The following GRM8 variants were observed in gnomAD, a reference collection of about 807,000 sequenced individuals.
GRM8 encodes glutamate metabotropic receptor 8.
A neutral mutation model predicts 87.2 loss-of-function variants in GRM8; 47 were observed. The observed-to-expected ratio is 0.54, with a 90% CI of 0.43 to 0.69. The LOEUF is 0.69. GRM8 is among the 30% of genes least tolerant of loss of function. GRM8 has a pLI of 0.00. For missense variants in GRM8, 1,019 were observed against 1,139.2 expected (o/e 0.89, Z 1.52); for synonymous variants, 396 against 404.5 (o/e 0.98, Z 0.25).
At chr7:126,855,558 C>T (rs2130766810) in intron 6 of GRM8, among the ~76,000 whole-genome samples, 1 of 151,652 alleles carries the variant, frequency 6.6e-6, no homozygotes, top group East Asian at 2.0e-4. Context: ...TCATGGTAAC[C>T]TCTGCCTCTC....
chr7:126,645,354 A>G (rs1464321863), intron 7 of GRM8, among the ~76,000 whole-genome samples: 2 of 152,154 alleles, frequency 1.3e-5, no homozygotes, highest in Non-Finnish European at 2.9e-5. Flanking sequence ...AATCCCACCA[A>G]AACTTGTGAC....
intron 6 of GRM8, among the ~76,000 whole-genome samples, chr7:126,857,578 A>G (rs1007152135): frequency 2.0e-5 from 3 of 152,182 alleles, no homozygotes; most frequent in Non-Finnish European, 2.9e-5. Context: ...AATCATTTCT[A>G]TGCTTTCTCT....
intron 6 of GRM8, among the ~76,000 whole-genome samples, chr7:126,788,148 G>A (rs1265832570): frequency 6.6e-6 from 1 of 151,860 alleles, no homozygotes; most frequent in Non-Finnish European, 1.5e-5. Flanking sequence ...GATGGCTCAT[G>A]CTTGTAATCC....
intron 9 of GRM8, among the ~76,000 whole-genome samples, chr7:126,451,240 A>G (rs1462798540): frequency 6.6e-6 from 1 of 151,648 alleles, no homozygotes; most frequent in Admixed American, 6.6e-5. Context: ...TCATCCCTAA[A>G]CTTGATCTCC....
chr7:127,074,950 C>A (rs966894290), intron 3 of GRM8, among the ~76,000 whole-genome samples: 1 of 152,190 alleles, frequency 6.6e-6, no homozygotes, highest in African/African-American at 2.4e-5. Context: ...TACAAGCAGT[C>A]TCCCAAGCAG....
chr7:126,635,181 A>G (rs533592747), intron 7 of GRM8, among the ~76,000 whole-genome samples: 4 of 152,312 alleles, frequency 2.6e-5, no homozygotes, highest in African/African-American at 9.6e-5. Flanking sequence ...TCAGCCCAAT[A>G]ACTAATTAAT....
In GRM8 at chr7:126,463,585, A is replaced by G. The variant is rs191826826; in HGVS notation, c.2431-17213T>C. On this transcript the variant is annotated intron_variant, in intron 9 of 10. Coordinates refer to ENST00000339582, the MANE Select transcript of GRM8 (RefSeq NM_000845.3). ...CCTCGGTCTTTGGTTAGGGAAAGAA[A>G]GCACCAAGCTAGGCTTTTTATTAAA... is the stretch of plus-strand genomic sequence containing the variant. Among the ~76,000 whole-genome samples, 947 of 151,790 alleles carry G rather than the reference A, an allele frequency of 6.2e-3. 4 individuals are homozygous for G. Among genetic ancestry groups the G allele is most frequent in the Non-Finnish European group, 0.01 (706 of 67,754 alleles).
intron 6 of GRM8, among the ~76,000 whole-genome samples, chr7:126,824,987 A>T (rs536139504): frequency 4.7e-4 from 71 of 152,290 alleles, no homozygotes; most frequent in African/African-American, 1.6e-3. Flanking sequence ...GAAAACAGAA[A>T]ATTTGGGAAG....
In GRM8 at chr7:127,142,550, A is replaced by T. The variant is rs1003502953; in HGVS notation, c.511-35838T>A. Among the ~76,000 whole-genome samples, 5 of 152,134 alleles carry T rather than the reference A, an allele frequency of 3.3e-5. No homozygotes were observed. In the South Asian group the frequency reaches 6.2e-4, roughly 19 times the overall value. ...TAAATGTACTCAAATTAATTCAGAA[A>T]TTTTTTTCTTTTTATGAATATTTGA... On this transcript the variant is annotated intron_variant, in intron 2 of 10. Transcript: ENST00000339582.
At chr7:126,851,184 A>T (rs1007716120) in intron 6 of GRM8, among the ~76,000 whole-genome samples, 4 of 152,044 alleles carry the variant, frequency 2.6e-5, no homozygotes, top group Non-Finnish European at 5.9e-5. Flanking sequence ...TACTTTATCT[A>T]TCATACATCT....
At chr7:126,464,283 T>A (rs1804238745) in intron 9 of GRM8, among the ~76,000 whole-genome samples, 2 of 151,742 alleles carry the variant, frequency 1.3e-5, no homozygotes, top group South Asian at 4.1e-4. Context: ...TGTTCCTTTT[T>A]GGTTCCAATT....
intron 3 of GRM8, among the ~76,000 whole-genome samples, chr7:126,970,133 A>C (rs760313458): frequency 6.6e-5 from 10 of 152,078 alleles, no homozygotes; most frequent in Non-Finnish European, 1.0e-4. Flanking sequence ...CATACTTCTT[A>C]AGGGCCCTAG....
chr7:126,631,358 A>G (rs906549469), intron 7 of GRM8, among the ~76,000 whole-genome samples: 2 of 152,178 alleles, frequency 1.3e-5, no homozygotes, highest in African/African-American at 4.8e-5. Context: ...GAGAACTACA[A>G]ACCACTGCCC....
At chr7:127,182,956 C>T (rs1371093320) in intron 2 of GRM8, among the ~76,000 whole-genome samples, 1 of 151,560 alleles carries the variant, frequency 6.6e-6, no homozygotes, top group Non-Finnish European at 1.5e-5. Context: ...GTATACTGCT[C>T]GGGTGATGGA....
At chr7:126,610,757 A>T (rs1798842852) in intron 7 of GRM8, among the ~76,000 whole-genome samples, 1 of 152,250 alleles carries the variant, frequency 6.6e-6, no homozygotes, top group South Asian at 2.1e-4. Flanking sequence ...CAATGTGAAT[A>T]CTTTTCCAGT....
Position 126,473,480 on chromosome 7 carries a change from G to A in GRM8, c.2431-27108C>T, listed in dbSNP as rs940631117. 2.0e-5 allele frequency among the ~76,000 whole-genome samples: 3 copies of A among 152,312 alleles called. No individual in the cohort carries two copies. The South Asian group carries it at 6.2e-4, about 32-fold the overall frequency. On this transcript the variant is annotated intron_variant, in intron 9 of 10. Transcript: ENST00000339582. ...TATTTACCCAATGCCGGTACCCAAT[G>A]TATCTAGGAAGTAACTAACTTGCTT...
At position 126,962,318 on chromosome 7, in the gene GRM8, C is replaced by CA. The variant is rs1809403463; in HGVS notation, c.728-57636dup. Among the ~76,000 whole-genome samples the CA allele has an allele frequency of 3.3e-5, 5 of 152,336 alleles. No individual in the cohort carries two copies. The South Asian group carries it at 1.0e-3, about 32-fold the overall frequency. ...AGACACTATTCAGACCAGGTATGTT[C>CA]AAATGCCAAAGCCCAGCTTTTTACA... is the stretch of plus-strand genomic sequence containing the variant. On this transcript the variant is annotated intron_variant, in intron 3 of 10. Transcript: ENST00000339582.
Position 126,659,912 on chromosome 7 carries a change from G to C in GRM8, c.1358-50414C>G, listed in dbSNP as rs567707929. Among the ~76,000 whole-genome samples, 8 of 152,092 alleles carry C rather than the reference G, an allele frequency of 5.3e-5. No individual in the cohort carries two copies. In the East Asian group the frequency reaches 1.4e-3, roughly 26 times the overall value. On this transcript the variant is annotated intron_variant, in intron 7 of 10. Coordinates refer to ENST00000339582, the MANE Select transcript of GRM8 (RefSeq NM_000845.3). ...CATGTTACTGTCCATTTTTTTCCTA[G>C]AGTATTAAGCTTTTTAAAAGACCTC... is the stretch of plus-strand genomic sequence containing the variant.
intron 2 of GRM8, among the ~76,000 whole-genome samples, chr7:127,113,873 C>A (rs1826535382): frequency 6.6e-6 from 1 of 152,078 alleles, no homozygotes; most frequent in Non-Finnish European, 1.5e-5. Context: ...AGTATATAAT[C>A]AGAAATTAGA....
Sources: allele counts gnomAD v4.1 joint callset (sites outside exome capture counted in the v4.1 genomes callset), GRCh38; gene constraint gnomAD v4.1.1; transcripts MANE v1.5; gene names NCBI Gene and HGNC (gene_info 2026-07-23, HGNC 2026-07-21).